Variants in STK24 observed in about 807,000 individuals in gnomAD.
STK24 encodes serine/threonine kinase 24.
A neutral mutation model predicts 55.6 loss-of-function variants in STK24; 21 were observed. The ratio of observed to expected loss-of-function variants is 0.38; its 90% confidence interval spans 0.27 to 0.54. STK24 has a LOEUF of 0.54. STK24 is among the 20% of genes least tolerant of loss of function. The pLI is 0.79. For missense variants in STK24, 383 were observed against 538.4 expected, an observed-to-expected ratio of 0.71 and a Z score of 2.86; for synonymous variants, 200 against 215.2, an observed-to-expected ratio of 0.93 and a Z score of 0.62.
chr13:98,567,203 C>A (rs1897603369), intron 1 of STK24, among the ~76,000 whole-genome samples: 1 of 152,224 alleles, frequency 6.6e-6, no homozygotes, highest in African/African-American at 2.4e-5. Flanking sequence ...TGCAGTGCCC[C>A]CAGCGCGCAG....
Position 98,495,345 on chromosome 13 carries a change from T to C in STK24, c.274-13024A>G, listed in dbSNP as rs141783857. Among the ~76,000 whole-genome samples the C allele has an allele frequency of 7.9e-5, 12 of 152,348 alleles. No homozygotes were observed. The East Asian group carries it at 1.3e-3, about 17-fold the overall frequency. On this transcript the variant is annotated intron_variant, in intron 2 of 10. Transcript: ENST00000539966. ...CATTGTAGAAATTTACTCAGGAATA[T>C]AGAAGTTTTAGAAAAGAAAGCATAT... is the stretch of plus-strand genomic sequence containing the variant.
intron 1 of STK24, among the ~76,000 whole-genome samples, chr13:98,567,138 C>T (rs1241341004): frequency 3.9e-5 from 6 of 152,328 alleles, no homozygotes; most frequent in South Asian, 2.1e-4. Context: ...TGTTTAGATA[C>T]GCACCCTTCA....
chr13:98,551,755 C>T (rs1284852548), intron 1 of STK24, among the ~76,000 whole-genome samples: 3 of 152,178 alleles, frequency 2.0e-5, no homozygotes, highest in African/African-American at 7.2e-5. Flanking sequence ...GAATGTCTGC[C>T]CGAAGCTGGC....
Position 98,556,060 on chromosome 13 carries a change from G to A in STK24, c.42+20685C>T, listed in dbSNP as rs542308697. ...TCAGCATATACCTGACGAAATGCCCGGATAAGAAATTCGGTCCCATACTCA... is the reference window on the plus strand; with the variant it reads ...TCAGCATATACCTGACGAAATGCCCAGATAAGAAATTCGGTCCCATACTCA... On this transcript the variant is annotated intron_variant, in intron 1 of 10. Transcript: ENST00000539966. Among the ~76,000 whole-genome samples, 4 of 152,210 alleles carry A rather than the reference G, an allele frequency of 2.6e-5. No individual in the cohort carries two copies. In the South Asian group the frequency reaches 6.2e-4, roughly 24 times the overall value.
At chr13:98,559,610 CT>C (rs1897365320) in intron 1 of STK24, among the ~76,000 whole-genome samples, 1 of 152,180 alleles carries the variant, frequency 6.6e-6, no homozygotes, top group Admixed American at 6.5e-5. Flanking sequence ...AAAGTCTACA[CT>C]TACGTACCAT....
chr13:98,456,572 T>C, intron 10 of STK24: 1 of 496,622 alleles, frequency 2.0e-6, no homozygotes, highest in Admixed American at 2.2e-5. Context: ...TACAACAAGT[T>C]GGGAGGGGGC....
intron 3 of STK24, among the ~76,000 whole-genome samples, chr13:98,481,727 C>T (rs1329588931): frequency 1.3e-5 from 2 of 148,340 alleles, no homozygotes; most frequent in African/African-American, 4.9e-5. Context: ...TTATTGGTTT[C>T]CCATGAAACA....
rs566366993 is a variant in STK24, at chr13:98,576,715, A to G, written c.42+30T>C. 2.6e-5 allele frequency: 38 copies of G among 1,456,016 alleles called. No individual in the cohort carries two copies. In the East Asian group the frequency reaches 1.1e-3, roughly 43 times the overall value. The allele number at this position is 1,456,016 out of a possible 1,614,324, so 90.2% of individuals were successfully genotyped here. Reference sequence around the variant, plus strand: ...GTTGCTGCTTCCGCCCCGGTCGCGCATCCCGGCCCCGCGGCCCGCGCCCGC... The same window carrying G: ...GTTGCTGCTTCCGCCCCGGTCGCGCGTCCCGGCCCCGCGGCCCGCGCCCGC... On this transcript the variant is annotated intron_variant, in intron 1 of 10. Coordinates refer to ENST00000539966, the MANE Select transcript of STK24 (RefSeq NM_001032296.4).
At chr13:98,548,423 A>C (rs1897080696) in intron 1 of STK24, among the ~76,000 whole-genome samples, 1 of 152,200 alleles carries the variant, frequency 6.6e-6, no homozygotes, top group South Asian at 2.1e-4. Context: ...ACACCCAGTA[A>C]ATTCCAACTA....
At chr13:98,529,190 G>A (rs1249203020) in intron 1 of STK24, among the ~76,000 whole-genome samples, 2 of 151,924 alleles carry the variant, frequency 1.3e-5, no homozygotes, top group Non-Finnish European at 2.9e-5. Context: ...CCCCCACCAC[G>A]TGTTTCATCG....
intron 2 of STK24, among the ~76,000 whole-genome samples, chr13:98,507,694 G>C (rs1895741416): frequency 6.6e-6 from 1 of 152,162 alleles, no homozygotes; most frequent in Non-Finnish European, 1.5e-5. Flanking sequence ...CCCAAAATTA[G>C]ACTACCACAC....
chr13:98,563,627 G>A (rs1897488611), intron 1 of STK24, among the ~76,000 whole-genome samples: 1 of 152,140 alleles, frequency 6.6e-6, no homozygotes, highest in Non-Finnish European at 1.5e-5. Context: ...GGGAGGCTGA[G>A]GTGGGCGGAT....
rs1893054578 is a variant in STK24, at chr13:98,449,100, T to G, written c.*4073A>C. ...AATGGGAAGATAATAAGCCGTGGTG[T>G]TTTGCTGTCTGTCTGTGTCACAAGC... On this transcript the variant is annotated 3_prime_UTR_variant, in exon 11 of 11. Coordinates refer to ENST00000539966, the MANE Select transcript of STK24 (RefSeq NM_001032296.4). The G allele has an allele frequency of 6.6e-6, 1 of 152,158 alleles. No homozygotes were observed. The allele number at this position is 152,158 out of a possible 1,614,324, so 9.4% of individuals were successfully genotyped here.
chr13:98,572,845 C>T (rs1318598210), intron 1 of STK24, among the ~76,000 whole-genome samples: 6 of 152,272 alleles, frequency 3.9e-5, no homozygotes, highest in South Asian at 2.1e-4. Context: ...ATACATGTGA[C>T]GTATATAATT....
intron 1 of STK24, among the ~76,000 whole-genome samples, chr13:98,569,865 A>AAC (rs1555313743): frequency 6.7e-6 from 1 of 148,488 alleles, no homozygotes; most frequent in African/African-American, 2.5e-5. Context: ...AAAAAAAAAA[A>AAC]CACAGGCAGA....
chr13:98,495,004 C>T (rs1002710688), intron 2 of STK24, among the ~76,000 whole-genome samples: 1 of 152,196 alleles, frequency 6.6e-6, no homozygotes, highest in Non-Finnish European at 1.5e-5. Context: ...ACCCAGGCAA[C>T]AGGATGGCGG....
chr13:98,509,021 T>TA (rs2139361469), intron 2 of STK24: 1 of 152,328 alleles, frequency 6.6e-6, no homozygotes, highest in Non-Finnish European at 1.5e-5. Flanking sequence ...GGCCAAAACA[T>TA]ATAGTTTTGG....
chr13:98,538,356 C>T (rs1292844026), intron 1 of STK24, among the ~76,000 whole-genome samples: 1 of 150,760 alleles, frequency 6.6e-6, no homozygotes, highest in Non-Finnish European at 1.5e-5. Context: ...TCCCTGGTAG[C>T]TGGGGTTACA....
At chr13:98,544,478 T>C (rs775336320) in intron 1 of STK24, among the ~76,000 whole-genome samples, 4 of 152,198 alleles carry the variant, frequency 2.6e-5, no homozygotes, top group Non-Finnish European at 5.9e-5. Context: ...GCAGCCCCCC[T>C]GGAGTATCTC....
Sources: allele counts gnomAD v4.1 joint callset (sites outside exome capture counted in the v4.1 genomes callset), GRCh38; gene constraint gnomAD v4.1.1; transcripts MANE v1.5; gene names NCBI Gene and HGNC (gene_info 2026-07-23, HGNC 2026-07-21).